The following LYPD6B variants were observed in gnomAD, a reference collection of about 807,000 sequenced individuals.
The protein encoded by LYPD6B is ly6/PLAUR domain-containing protein 6B.
In LYPD6B, 17 loss-of-function variants were observed where a neutral mutation model predicts 22.8. The ratio of observed to expected loss-of-function variants is 0.75; its 90% confidence interval spans 0.51 to 1.12. LYPD6B has a LOEUF of 1.12. Among genes scored for constraint, LYPD6B ranks in the 50% most tolerant of loss-of-function variants. The probability of loss-of-function intolerance (pLI) is 0.00; values close to 1 mark genes in which losing one functional copy is unlikely to be tolerated. For synonymous variants in LYPD6B, 106 were observed against 91.6 expected (o/e 1.16, Z -0.90); for missense variants, 221 against 258.3 (o/e 0.86, Z 0.99).
chr2:149,099,930 G>A (rs762986292), intron 1 of LYPD6B, among the ~76,000 whole-genome samples: 20 of 152,292 alleles, frequency 1.3e-4, no homozygotes, highest in Middle Eastern at 3.4e-3. Context: ...TGGTCACACA[G>A]GCCTCACAGA....
In LYPD6B at chr2:149,212,380, C is replaced by CAAAAAAAAAAAAAAA. The variant is rs386391473; in HGVS notation, c.329-602_329-588dup. ...CTGGGGACAGAGTAAGACTCCGTCT[C>CAAAAAAAAAAAAAAA]AAAAAAAAAAAAAAAAAAAAAAAAG... On this transcript the variant is annotated intron_variant, in intron 5 of 6. Transcript: ENST00000409642. 8.8e-4 allele frequency among the ~76,000 whole-genome samples: 53 copies of CAAAAAAAAAAAAAAA among 60,128 alleles called. 1 individual carries two copies. Among genetic ancestry groups the CAAAAAAAAAAAAAAA allele is most frequent in the African/African-American group, 3.7e-3 (49 of 13,320 alleles). 39.4% of individuals were successfully genotyped at this position (60,128 alleles called of 152,430 possible). A position where few individuals can be genotyped will look rare whatever the true frequency, so the allele number is the denominator to read the frequency against.
chr2:149,069,770 T>C (rs1336586677), intron 1 of LYPD6B, among the ~76,000 whole-genome samples: 1 of 152,160 alleles, frequency 6.6e-6, no homozygotes, highest in African/African-American at 2.4e-5. Flanking sequence ...TCCATAGTGC[T>C]GAGCAGTGTC....
intron 1 of LYPD6B, among the ~76,000 whole-genome samples, chr2:149,072,487 ATTT>A (rs1486920173): frequency 2.0e-5 from 2 of 100,830 alleles, no homozygotes; most frequent in Non-Finnish European, 4.0e-5. Flanking sequence ...GGTTATTTTT[ATTT>A]TATTTTATTT....
chr2:149,141,319 G>A (rs747191544), intron 2 of LYPD6B, among the ~76,000 whole-genome samples: 27 of 152,158 alleles, frequency 1.8e-4, no homozygotes, highest in Admixed American at 4.6e-4. Context: ...TGGTGCATCC[G>A]CGTGGAGTAC....
intron 2 of LYPD6B, among the ~76,000 whole-genome samples, chr2:149,149,774 G>A (rs1036866741): frequency 6.6e-6 from 1 of 152,106 alleles, no homozygotes; most frequent in Non-Finnish European, 1.5e-5. Flanking sequence ...TCCTCAGAAA[G>A]TATCCATGAA....
intron 1 of LYPD6B, among the ~76,000 whole-genome samples, chr2:149,062,393 A>G (rs903251204): frequency 1.3e-5 from 2 of 152,220 alleles, no homozygotes; most frequent in African/African-American, 4.8e-5. Context: ...GATGATGATC[A>G]CGATGATGGC....
chr2:149,138,526 G>T (rs924064385), intron 2 of LYPD6B, among the ~76,000 whole-genome samples: 5 of 152,162 alleles, frequency 3.3e-5, no homozygotes, highest in Non-Finnish European at 7.3e-5. Flanking sequence ...TTTTGCATGG[G>T]TTTTCAGCAG....
chr2:149,147,151 A>G (rs975850716), intron 2 of LYPD6B, among the ~76,000 whole-genome samples: 2 of 152,080 alleles, frequency 1.3e-5, no homozygotes, highest in Non-Finnish European at 2.9e-5. Flanking sequence ...CCTGATGTCT[A>G]CTCTGCTTCC....
chr2:149,118,024 G>C (rs962824191), intron 1 of LYPD6B: 1 of 152,144 alleles, frequency 6.6e-6, no homozygotes, highest in African/African-American at 2.4e-5. Context: ...ATCTCTTTGA[G>C]TGTCCTCATG....
chr2:149,185,941 T>C (rs1175806127), intron 3 of LYPD6B, among the ~76,000 whole-genome samples: 1 of 152,240 alleles, frequency 6.6e-6, no homozygotes, highest in East Asian at 1.9e-4. Context: ...CCATCAATGC[T>C]GTGGATGTTC....
At chr2:149,053,098 C>T (rs375331632) in intron 1 of LYPD6B, among the ~76,000 whole-genome samples, 20 of 152,134 alleles carry the variant, frequency 1.3e-4, no homozygotes, top group African/African-American at 4.3e-4. Flanking sequence ...ATGTGTCTAC[C>T]AGCTAGTGTT....
chr2:149,169,436 T>C (rs941691640), intron 3 of LYPD6B, among the ~76,000 whole-genome samples: 8 of 152,204 alleles, frequency 5.3e-5, no homozygotes, highest in African/African-American at 1.9e-4. Context: ...GGTTCTCAAT[T>C]GTCAAGTCTT....
chr2:149,193,681 C>T (rs1170566125), intron 3 of LYPD6B, among the ~76,000 whole-genome samples: 1 of 152,020 alleles, frequency 6.6e-6, no homozygotes, highest in Non-Finnish European at 1.5e-5. Flanking sequence ...AATAAGCAGA[C>T]AGCAGTTCAG....
intron 2 of LYPD6B, among the ~76,000 whole-genome samples, chr2:149,137,194 A>G (rs1688417952): frequency 6.6e-6 from 1 of 152,176 alleles, no homozygotes; most frequent in Non-Finnish European, 1.5e-5. Context: ...AAGAGGGGGA[A>G]CTGGATGAGT....
intron 3 of LYPD6B, among the ~76,000 whole-genome samples, chr2:149,202,224 C>T (rs928581371): frequency 1.1e-4 from 17 of 152,170 alleles, no homozygotes; most frequent in African/African-American, 3.9e-4. Context: ...GCATTTTTCA[C>T]AATTAGATGG....
chr2:149,194,455 A>G (rs1692679299), intron 3 of LYPD6B, among the ~76,000 whole-genome samples: 2 of 152,212 alleles, frequency 1.3e-5, no homozygotes, highest in South Asian at 4.1e-4. Context: ...ACTGTTTACA[A>G]TGATGTGGGC....
chr2:149,120,301 ATATATATATGTG>A (rs771869018), intron 1 of LYPD6B, among the ~76,000 whole-genome samples: 8 of 132,294 alleles, frequency 6.0e-5, no homozygotes, highest in Admixed American at 3.0e-4. Context: ...ATATACACAT[ATATATATATGTG>A]TATATATATG....
chr2:149,146,169 T>C (rs889065681), intron 2 of LYPD6B, among the ~76,000 whole-genome samples: 5 of 152,220 alleles, frequency 3.3e-5, no homozygotes, highest in Admixed American at 6.5e-5. Flanking sequence ...ATATTAATCA[T>C]GTAATTATAC....
rs531614631 is a variant in LYPD6B at position 149,095,029 on chromosome 2, C to T, written c.-66-35854C>T. 2.4e-4 allele frequency among the ~76,000 whole-genome samples: 36 copies of T among 152,222 alleles called. 1 individual carries two copies. Among genetic ancestry groups the T allele is most frequent in the South Asian group, 4.2e-4 (2 of 4,812 alleles). On this transcript the variant is annotated intron_variant, in intron 1 of 6. Transcript: ENST00000409642. ...AAAGGTGGCCGGGAGTGGTGGCTCACGCCTGTAATCAATCCCAGCACTTTG... is the reference window on the plus strand; with the variant it reads ...AAAGGTGGCCGGGAGTGGTGGCTCATGCCTGTAATCAATCCCAGCACTTTG...
Sources: gnomAD v4.1 joint callset for allele counts (sites outside exome capture counted in the v4.1 genomes callset) on GRCh38, gnomAD v4.1.1 for gene constraint, MANE v1.5 for transcripts, NCBI Gene and HGNC (gene_info 2026-07-23, HGNC 2026-07-21) for gene names.